RPL29: variants seen among roughly 807,000 people sequenced by gnomAD.
RPL29 encodes the protein ribosomal protein L29.
RPL29 carries 4 observed loss-of-function variants against 7.2 expected under a neutral mutation model. The observed-to-expected ratio is 0.55, with a 90% CI of 0.27 to 1.26. The LOEUF is 1.26. RPL29 is among the 50% of genes most tolerant of loss of function. RPL29 has a pLI of 0.11. For missense variants in RPL29, 148 were observed against 209.1 expected (o/e 0.71, Z 1.80); for synonymous variants, 73 against 72.8 (o/e 1.00, Z -0.01).
At position 51,993,668 on chromosome 3, in the gene RPL29, C is replaced by G. The variant is rs1253501984; in HGVS notation, c.*81G>C. The G allele has an allele frequency of 1.4e-6, 2 of 1,379,450 alleles. No homozygotes were observed. Among genetic ancestry groups the G allele is most frequent in the Non-Finnish European group, 9.8e-7 (1 of 1,019,674 alleles). The allele number at this position is 1,379,450 out of a possible 1,614,324, so 85.5% of individuals were successfully genotyped here. On this transcript the variant is annotated 3_prime_UTR_variant, in exon 4 of 4. Transcript: ENST00000294189. ...ATTTGTACAAATAGCACAGGAGGACCCCAGCCCCATGCAGATGGTAGCCCA... is the reference window on the plus strand; with the variant it reads ...ATTTGTACAAATAGCACAGGAGGACGCCAGCCCCATGCAGATGGTAGCCCA...
rs1373615193 is a variant in RPL29, at chr3:51,995,124, G to A, written c.38-18C>T. On this transcript the variant is annotated intron_variant, in intron 2 of 3. Coordinates refer to ENST00000294189, the MANE Select transcript of RPL29 (RefSeq NM_000992.3). Reference sequence around the variant, plus strand: ...TTTTCGGGCTGTGGGAGAAAAAAAGGGAATTAAGCCAACAAAGAACTTTCC... The same window carrying A: ...TTTTCGGGCTGTGGGAGAAAAAAAGAGAATTAAGCCAACAAAGAACTTTCC... The A allele has an allele frequency of 1.9e-6, 3 of 1,596,834 alleles. No homozygotes were observed. In the South Asian group the frequency reaches 3.3e-5, roughly 18 times the overall value.
At chr3:51,994,342 G>T (rs2106853090) in intron 3 of RPL29, 2 of 553,498 alleles carry the variant, frequency 3.6e-6, no homozygotes, top group Non-Finnish European at 3.1e-6. Flanking sequence ...CCTCCTTCAA[G>T]AACAAAATTA....
At position 51,994,165 on chromosome 3, in the gene RPL29, C is replaced by T; in HGVS notation, c.103-39G>A. Reference sequence around the variant, plus strand: ...AAGGTACAGGTGGCAGCATGTGGGTCCCCAAGTCTCTCCCTGCTGCCCCTC... The same window carrying T: ...AAGGTACAGGTGGCAGCATGTGGGTTCCCAAGTCTCTCCCTGCTGCCCCTC... On this transcript the variant is annotated intron_variant, in intron 3 of 3. Transcript: ENST00000294189. The T allele has an allele frequency of 1.9e-6, 3 of 1,551,116 alleles. 1 individual carries two copies. The South Asian group carries it at 3.7e-5, about 19-fold the overall frequency.
At chr3:51,995,358 C>A in intron 2 of RPL29, 67 bp downstream of exon 2, 1 of 1,548,548 alleles carries the variant, frequency 6.5e-7, no homozygotes, top group African/African-American at 1.4e-5. Context: ...CCCTTCATCT[C>A]TGTCCCAGTT....
chr3:51,995,755 C>T (rs1701306469), intron 1 of RPL29, 102 bp downstream of exon 1: 1 of 436,190 alleles, frequency 2.3e-6, no homozygotes, highest in Non-Finnish European at 4.2e-6. Context: ...AGCTTTTGCT[C>T]CCGACAGACA....
intron 3 of RPL29, 183 bp from the exon 4 acceptor site, chr3:51,994,309 C>T: frequency 4.2e-6 from 3 of 719,292 alleles, no homozygotes; most frequent in Non-Finnish European, 6.7e-6. Flanking sequence ...AGCCAATACG[C>T]CACCTGGGTA....
intron 3 of RPL29, 82 bp downstream of exon 3, chr3:51,994,960 G>T: frequency 7.9e-7 from 1 of 1,267,690 alleles, no homozygotes; most frequent in Non-Finnish European, 1.2e-6. Context: ...AGAAGCCAAA[G>T]CTAGAGAAAA....
At chr3:51,994,635 C>G (rs755184991) in intron 3 of RPL29, 69 of 541,530 alleles carry the variant, frequency 1.3e-4, no homozygotes, top group Non-Finnish European at 2.2e-4. Flanking sequence ...ACCCTCCAGC[C>G]TTCTCAGCTA....
rs762780138 is a variant in RPL29 at position 51,993,749 on chromosome 3, C to A, written c.480G>T (p.Ter160TyrextTer6). 25 of 1,583,650 alleles carry A rather than the reference C, an allele frequency of 1.6e-5. No homozygotes were observed. Among genetic ancestry groups the A allele is most frequent in the Admixed American group, 3.4e-5 (2 of 58,562 alleles). Residue 160 changes from the stop codon to tyrosine, a stop_lost, in exon 4 of 4, where the codon TAG becomes TAT. Coordinates refer to ENST00000294189, the MANE Select transcript of RPL29 (RefSeq NM_000992.3). ...RTQAPTKASE[*>Y] ...TCTGTCCTCATGTTGGCAGAGATAT[C>A]TACTCTGAAGCCTTTGTAGGGGCCT...
intron 1 of RPL29, 85 bp downstream of exon 1, chr3:51,995,772 C>G (rs1050608079): frequency 2.4e-6 from 1 of 413,918 alleles, no homozygotes; most frequent in African/African-American, 2.0e-5. Context: ...GACACACGGT[C>G]GGTCACCAGT....
intron 1 of RPL29, 83 bp from the exon 2 acceptor site, chr3:51,995,552 C>CTGCAGGCAGAGAATG (rs1432833030): frequency 3.0e-6 from 4 of 1,343,940 alleles, no homozygotes; most frequent in Non-Finnish European, 4.3e-6. Context: ...CAGAATGAGC[C>CTGCAGGCAGAGAATG]TGCAGGCAGA....
At chr3:51,995,196 A>G (rs1701298586) in intron 2 of RPL29, 90 bp from the exon 3 acceptor site, 1 of 1,182,884 alleles carries the variant, frequency 8.5e-7, no homozygotes, top group Non-Finnish European at 1.2e-6. Flanking sequence ...TGGGAGAACC[A>G]ACACTTCCTA....
rs200374033 is a variant in RPL29 at position 51,993,698 on chromosome 3, C to A, written c.*51G>T. 6 of 1,510,698 alleles carry A rather than the reference C, an allele frequency of 4.0e-6. No homozygotes were observed. In the African/African-American group the frequency reaches 5.5e-5, roughly 14 times the overall value. 93.6% of individuals were successfully genotyped at this position (1,510,698 alleles called of 1,614,324 possible). A position where few individuals can be genotyped will look rare whatever the true frequency, so the allele number is the denominator to read the frequency against. ...CCCCATGCAGATGGTAGCCCAGGGG[C>A]GGGGGTGGGGGGTCGCACCAGTCCT... On this transcript the variant is annotated 3_prime_UTR_variant, in exon 4 of 4. Transcript: ENST00000294189.
Position 51,993,615 on chromosome 3 carries a change from A to G in RPL29, c.*134T>C. ...CAAACCCATCCCCAGGATCATAGAC[A>G]GAGGCTAACAAATCCTGCCTCAGGT... On this transcript the variant is annotated 3_prime_UTR_variant, in exon 4 of 4. Transcript: ENST00000294189. 2.1e-6 allele frequency: 2 copies of G among 950,574 alleles called. No individual in the cohort carries two copies. The highest frequency in any genetic ancestry group is 1.6e-6 in the Non-Finnish European group (1 of 636,480). The allele number at this position is 950,574 out of a possible 1,614,324, so 58.9% of individuals were successfully genotyped here.
intron 1 of RPL29, 75 bp from the exon 2 acceptor site, chr3:51,995,544 GAAT>G (rs145250819): frequency 7.1e-7 from 1 of 1,403,002 alleles, no homozygotes; most frequent in African/African-American, 1.4e-5. Context: ...ATTCTGGTCA[GAAT>G]GAGCCTGCAG....
At chr3:51,994,195 TA>T in intron 3 of RPL29, 69 bp from the exon 4 acceptor site, 2 of 1,508,516 alleles carry the variant, frequency 1.3e-6, no homozygotes, top group Non-Finnish European at 1.8e-6. Flanking sequence ...CCCCTCTCCA[TA>T]GGGGTACCCA....
At chr3:51,995,366 G>T in intron 2 of RPL29, 59 bp downstream of exon 2, 4 of 1,577,458 alleles carry the variant, frequency 2.5e-6, no homozygotes, top group Non-Finnish European at 3.5e-6. Flanking sequence ...CTCTGTCCCA[G>T]TTTGCCTGAA....
chr3:51,995,544 G>T, intron 1 of RPL29, 75 bp from the exon 2 acceptor site: 2 of 1,403,002 alleles, frequency 1.4e-6, no homozygotes, highest in South Asian at 1.2e-5. Context: ...ATTCTGGTCA[G>T]AATGAGCCTG....
intron 3 of RPL29, 95 bp downstream of exon 3, chr3:51,994,947 G>A (rs762667916): frequency 1.8e-6 from 2 of 1,117,880 alleles, no homozygotes; most frequent in Admixed American, 1.7e-5. Context: ...GCTGTGCTCA[G>A]GCAGAAGCCA....
Sources: gnomAD v4.1 joint callset for allele counts on GRCh38, gnomAD v4.1.1 for gene constraint, MANE v1.5 for transcripts, NCBI Gene and HGNC (gene_info 2026-07-23, HGNC 2026-07-21) for gene names.